Variants in CACNA1B observed in about 807,000 individuals in gnomAD.
The protein encoded by CACNA1B is voltage-dependent N-type calcium channel subunit alpha-1B.
In CACNA1B, 70 loss-of-function variants were observed where a neutral mutation model predicts 247.2. The ratio of observed to expected loss-of-function variants is 0.28; its 90% CI spans 0.23 to 0.35. The LOEUF (loss-of-function observed/expected upper bound fraction) is 0.35. Among genes scored for constraint, CACNA1B ranks in the 10% least tolerant of loss-of-function variants. CACNA1B has a pLI of 1.00. For synonymous variants in CACNA1B, 1,231 were observed against 1,294.4 expected, an observed-to-expected ratio of 0.95 and a Z score of 1.05; for missense variants, 2,367 against 3,197.4, an observed-to-expected ratio of 0.74 and a Z score of 6.26.
chr9:137,923,016 C>T (rs1004394429), intron 6 of CACNA1B, among the ~76,000 whole-genome samples: 4 of 152,236 alleles, frequency 2.6e-5, no homozygotes, highest in East Asian at 1.9e-4. Flanking sequence ...GAGAATGTTA[C>T]GTGGACAAAA....
At chr9:137,896,842 G>A (rs528183236) in intron 3 of CACNA1B, among the ~76,000 whole-genome samples, 8 of 152,254 alleles carry the variant, frequency 5.3e-5, no homozygotes, top group East Asian at 1.9e-4. Context: ...TGTTGGGTCC[G>A]TCGTGTGAGT....
Position 137,936,213 on chromosome 9 carries a change from T to C in CACNA1B, c.967-16061T>C, listed in dbSNP as rs4634735. Among the ~76,000 whole-genome samples the C allele has an allele frequency of 9.6e-3, 1,459 of 152,318 alleles. 8 individuals are homozygous for C. Among genetic ancestry groups the C allele is most frequent in the South Asian group, 0.012 (59 of 4,824 alleles). Reference sequence around the variant, plus strand: ...ACTGGTGTGAGATGGTATCTCATTGTGGTTTTGATTTGCATTTCTCTGATG... The same window carrying C: ...ACTGGTGTGAGATGGTATCTCATTGCGGTTTTGATTTGCATTTCTCTGATG... On this transcript the variant is annotated intron_variant, in intron 6 of 46. Transcript: ENST00000371372.
At position 138,020,098 on chromosome 9, in the gene CACNA1B, CAA is replaced by C. The variant is rs4066675; in HGVS notation, c.2268-2893_2268-2892del. ...GGCGACACAGCGAGACTCTGTCTCC[CAA>C]AAAAAAAAAAAAAAAAAAATGCAGA... On this transcript the variant is annotated intron_variant, in intron 18 of 46. Coordinates refer to ENST00000371372, the MANE Select transcript of CACNA1B (RefSeq NM_000718.4). This position sits in a 1 kb window ranked among gnomAD's most constrained non-coding sequence, Gnocchi z 4.1. 0.35 allele frequency among the ~76,000 whole-genome samples: 29,363 copies of C among 83,320 alleles called. 4,390 individuals carry two copies. The highest frequency in any genetic ancestry group is 0.62 in the East Asian group (2,220 of 3,562). 54.7% of individuals were successfully genotyped at this position (83,320 alleles called of 152,430 possible).
intron 32 of CACNA1B, among the ~76,000 whole-genome samples, chr9:138,070,643 C>T (rs529312371): frequency 1.3e-5 from 2 of 152,200 alleles, no homozygotes; most frequent in African/African-American, 4.8e-5. Context: ...GAAGAGCTAG[C>T]GTTTTGAGAA....
rs770949692 is a variant in CACNA1B at position 138,102,682 on chromosome 9, G to A, written c.5223-29G>A. On this transcript the variant is annotated intron_variant, in intron 37 of 46. Coordinates refer to ENST00000371372, the MANE Select transcript of CACNA1B (RefSeq NM_000718.4). This position sits in a 1 kb window ranked among gnomAD's most constrained non-coding sequence, Gnocchi z 5.4. ...CTCCTCCTGTGGACCACCCCACTGT[G>A]CCCTGGCCTCGCTGGGACGGGTTTC... 5.4e-5 allele frequency: 79 copies of A among 1,472,964 alleles called. No homozygotes were observed. The highest frequency in any genetic ancestry group is 7.3e-5 in the Non-Finnish European group (78 of 1,061,518). The allele number at this position is 1,472,964 out of a possible 1,614,324, so 91.2% of individuals were successfully genotyped here.
At chr9:138,117,027 C>T (rs754065608) in intron 42 of CACNA1B, among the ~76,000 whole-genome samples, 3 of 152,254 alleles carry the variant, frequency 2.0e-5, no homozygotes, top group Non-Finnish European at 4.4e-5. Flanking sequence ...AGGCTCCAGT[C>T]TGAGCTCAGA....
intron 34 of CACNA1B, 30 bp downstream of exon 34, chr9:138,074,096 G>A: frequency 6.4e-7 from 1 of 1,563,700 alleles, no homozygotes; most frequent in African/African-American, 1.4e-5. Context: ...ACAGAGCGTG[G>A]TTCCGGCCTC....
At chr9:137,975,865 G>A (rs1169034508) in intron 11 of CACNA1B, 42 bp from the exon 12 acceptor site, 4 of 1,225,454 alleles carry the variant, frequency 3.3e-6, no homozygotes, top group Admixed American at 1.9e-5. Flanking sequence ...CAGAGTGGGA[G>A]GAGGCCTCGA....
At position 137,877,790 on chromosome 9, in the gene CACNA1B, CGGCGGCGGCTGCGGCGGTGGGGCCG is replaced by C. The variant is rs1956852429; in HGVS notation, c.-139_-115del. The C allele has an allele frequency of 3.6e-6, 1 of 277,586 alleles. No homozygotes were observed. Among genetic ancestry groups the C allele is most frequent in the African/African-American group, 2.3e-5 (1 of 43,124 alleles). 17.2% of individuals were successfully genotyped at this position (277,586 alleles called of 1,614,324 possible). A position where few individuals can be genotyped will look rare whatever the true frequency, so the allele number is the denominator to read the frequency against. On this transcript the variant is annotated 5_prime_UTR_variant, in exon 1 of 47. Transcript: ENST00000371372. ...CGCGGGGCCGCGGAGTCGGGTGAGG[CGGCGGCGGCTGCGGCGGTGGGGCCG>C]GGCGAGGTCCGCTGCGGTCCCGGCG...
chr9:138,082,538 G>T (rs1325429310), intron 36 of CACNA1B, among the ~76,000 whole-genome samples: 2 of 151,340 alleles, frequency 1.3e-5, no homozygotes, highest in African/African-American at 4.9e-5. Flanking sequence ...CTTGATGATT[G>T]GCGTGATAAT....
intron 6 of CACNA1B, among the ~76,000 whole-genome samples, chr9:137,932,692 A>G (rs1309782135): frequency 2.6e-5 from 4 of 152,186 alleles, no homozygotes; most frequent in Admixed American, 6.5e-5. Flanking sequence ...ACGTCTCAGG[A>G]TTAGTACATT....
chr9:137,913,017 A>C lies in CACNA1B; in HGVS notation c.531-163A>C, dbSNP rs1957374594. Among the ~76,000 whole-genome samples, 1 of 148,748 alleles carries C rather than the reference A, an allele frequency of 6.7e-6. No homozygotes were observed. The highest frequency in any genetic ancestry group is 6.6e-5 in the Admixed American group (1 of 15,140). On this transcript the variant is annotated intron_variant, in intron 3 of 46. Coordinates refer to ENST00000371372, the MANE Select transcript of CACNA1B (RefSeq NM_000718.4). This position sits in a 1 kb window ranked among gnomAD's most constrained non-coding sequence, Gnocchi z 5.2. ...CTCTGTGCTGGCCCTGTGGTTGGACAGTGGGGGGACACAGGTGCTGGCCCT... is the reference window on the plus strand; with the variant it reads ...CTCTGTGCTGGCCCTGTGGTTGGACCGTGGGGGGACACAGGTGCTGGCCCT...
rs1461463093 is a variant in CACNA1B, at chr9:137,954,901, AGG to A, written c.1071-793_1071-792del. On this transcript the variant is annotated intron_variant, in intron 7 of 46. Coordinates refer to ENST00000371372, the MANE Select transcript of CACNA1B (RefSeq NM_000718.4). This position sits in a 1 kb window ranked among gnomAD's most constrained non-coding sequence, Gnocchi z 4.1. ...GTGTGAGAGAGAGAGAGAGAGAGAG[AGG>A]GGGAGAGAGAGAGAGAGAGAATGGC... Among the ~76,000 whole-genome samples the A allele has an allele frequency of 5.9e-5, 7 of 118,708 alleles. No individual in the cohort carries two copies. The highest frequency in any genetic ancestry group is 4.0e-3 in the Middle Eastern group (1 of 250). 77.9% of individuals were successfully genotyped at this position (118,708 alleles called of 152,430 possible). A position where few individuals can be genotyped will look rare whatever the true frequency, so the allele number is the denominator to read the frequency against.
intron 15 of CACNA1B, among the ~76,000 whole-genome samples, chr9:137,988,114 T>G (rs1258749056): frequency 6.6e-6 from 1 of 152,202 alleles, no homozygotes; most frequent in African/African-American, 2.4e-5. Context: ...CTCCCAGATG[T>G]TTTTGAGCTC....
intron 15 of CACNA1B, among the ~76,000 whole-genome samples, chr9:137,987,289 C>A (rs886801621): frequency 6.6e-6 from 1 of 152,132 alleles, no homozygotes; most frequent in African/African-American, 2.4e-5. Context: ...AACTACCCCC[C>A]TCAGCTCCTC....
chr9:138,037,616 G>A (rs920765585), intron 20 of CACNA1B, among the ~76,000 whole-genome samples: 10 of 151,672 alleles, frequency 6.6e-5, no homozygotes, highest in African/African-American at 2.4e-4. Flanking sequence ...CTGAGATCGC[G>A]CCATTTCACT....
chr9:138,119,898 C>G (rs1768589603), intron 44 of CACNA1B, among the ~76,000 whole-genome samples: 1 of 152,212 alleles, frequency 6.6e-6, no homozygotes, highest in Non-Finnish European at 1.5e-5. Context: ...AGAGGCGTCT[C>G]TGGTTTCCAC....
chr9:138,004,876 A>G (rs1248507064), intron 15 of CACNA1B, among the ~76,000 whole-genome samples: 1 of 152,232 alleles, frequency 6.6e-6, no homozygotes, highest in South Asian at 2.1e-4. Flanking sequence ...CAACAGATGT[A>G]TGAAAAAATA....
chr9:137,949,069 AGTGTG>A (rs1589026558), intron 6 of CACNA1B, among the ~76,000 whole-genome samples: 9 of 46,474 alleles, frequency 1.9e-4, no homozygotes, highest in Admixed American at 4.3e-4. Context: ...GTATGTGTGT[AGTGTG>A]TGTGGTGTGT....
Sources: allele counts gnomAD v4.1 joint callset (sites outside exome capture counted in the v4.1 genomes callset), GRCh38; gene constraint gnomAD v4.1.1; non-coding constraint Gnocchi (gnomAD v3.1); transcripts MANE v1.5; gene names NCBI Gene and HGNC (gene_info 2026-07-23, HGNC 2026-07-21).